The following RALGPS1 variants were observed in gnomAD, a reference collection of about 807,000 sequenced individuals.
The protein encoded by RALGPS1 is Ral GEF with PH domain and SH3 binding motif 1, also known as ras-specific guanine nucleotide-releasing factor RalGPS1.
Under a neutral mutation model 78.8 loss-of-function variants are expected in RALGPS1, and 19 were observed. That is an observed-to-expected ratio of 0.24 (90% CI 0.17 to 0.35). The LOEUF (loss-of-function observed/expected upper bound fraction) is 0.35. RALGPS1 is among the 10% of genes least tolerant of loss of function. RALGPS1 has a pLI of 1.00. For synonymous variants in RALGPS1, 228 were observed against 256.3 expected, an observed-to-expected ratio of 0.89 and a Z score of 1.06; for missense variants, 454 against 688.3, an observed-to-expected ratio of 0.66 and a Z score of 3.81.
chr9:127,108,372 C>T, intron 8 of RALGPS1: 4 of 1,610,656 alleles, frequency 2.5e-6, no homozygotes, highest in Non-Finnish European at 3.4e-6. Context: ...GCAGCAGCTT[C>T]ACCTCGCTCA....
rs944234039 is a variant in RALGPS1, at chr9:126,965,970, G to T, written c.165+19G>T. On this transcript the variant is annotated intron_variant, in intron 3 of 18. Transcript: ENST00000259351. ...GTTTGCTGTAAGTGAAACAGGGCTG[G>T]TGTGGGTGGCTGGGCACCACAGCAG... 24 of 1,594,990 alleles carry T rather than the reference G, an allele frequency of 1.5e-5. No individual in the cohort carries two copies. The highest frequency in any genetic ancestry group is 6.7e-5 in the African/African-American group (5 of 74,570).
chr9:127,075,381 G>T (rs541300611), intron 8 of RALGPS1, among the ~76,000 whole-genome samples: 1 of 152,320 alleles, frequency 6.6e-6, no homozygotes, highest in South Asian at 2.1e-4. Flanking sequence ...TTACCATGGG[G>T]TGCCGTAGTT....
At chr9:127,103,209 C>A (rs905505261) in intron 8 of RALGPS1, among the ~76,000 whole-genome samples, 1 of 152,240 alleles carries the variant, frequency 6.6e-6, no homozygotes. Context: ...CAATCGTGTA[C>A]GTATTTCCTA....
chr9:126,996,273 G>A (rs925316288), intron 4 of RALGPS1, among the ~76,000 whole-genome samples: 8 of 152,066 alleles, frequency 5.3e-5, no homozygotes, highest in African/African-American at 1.9e-4. Flanking sequence ...CAACAAAATT[G>A]ATAGACTGCT....
intron 1 of RALGPS1, among the ~76,000 whole-genome samples, chr9:126,916,498 G>C (rs2034174719): frequency 6.6e-6 from 1 of 152,174 alleles, no homozygotes; most frequent in Non-Finnish European, 1.5e-5. Flanking sequence ...CATTCCAAGA[G>C]GGTCGGGCGC....
At chr9:127,062,512 G>A (rs756469872) in intron 7 of RALGPS1, among the ~76,000 whole-genome samples, 18 of 152,136 alleles carry the variant, frequency 1.2e-4, no homozygotes, top group Admixed American at 3.3e-4. Flanking sequence ...TATTACAACC[G>A]TATCAAAAGA....
At chr9:127,197,375 G>GGTCTGTGT (rs1194771004) in intron 13 of RALGPS1, among the ~76,000 whole-genome samples, 4 of 152,112 alleles carry the variant, frequency 2.6e-5, no homozygotes, top group Non-Finnish European at 5.9e-5. Flanking sequence ...GTGCCTCTGT[G>GGTCTGTGT]GTCTGTGTGT....
intron 8 of RALGPS1, among the ~76,000 whole-genome samples, chr9:127,143,742 T>C (rs1213427351): frequency 6.6e-6 from 1 of 152,314 alleles, no homozygotes; most frequent in Non-Finnish European, 1.5e-5. Context: ...CTAGAAGACA[T>C]CAGAGTTAAC....
At chr9:126,953,645 C>T (rs2038075743) in intron 1 of RALGPS1, among the ~76,000 whole-genome samples, 1 of 152,168 alleles carries the variant, frequency 6.6e-6, no homozygotes, top group South Asian at 2.1e-4. Context: ...AATCCTTTCA[C>T]CTGACACCAC....
Position 127,036,109 on chromosome 9 carries a change from G to C in RALGPS1, c.300+1595G>C, listed in dbSNP as rs75981611. On this transcript the variant is annotated intron_variant, in intron 5 of 18. Transcript: ENST00000259351. ...GATGTGGCTTATTCTGTGAACAATT[G>C]TGTTGTGTCCAGCTCAGACCAAGTG... Among the ~76,000 whole-genome samples the C allele has an allele frequency of 5.2e-3, 794 of 152,300 alleles. 3 individuals are homozygous for C. The highest frequency in any genetic ancestry group is 0.031 in the Middle Eastern group (9 of 294).
intron 4 of RALGPS1, among the ~76,000 whole-genome samples, chr9:127,010,436 G>A (rs1434380589): frequency 6.6e-6 from 1 of 152,194 alleles, no homozygotes; most frequent in Admixed American, 6.5e-5. Flanking sequence ...CAAAATGACT[G>A]CCTGGATTCC....
chr9:127,137,601 T>G (rs1234083886), intron 8 of RALGPS1, among the ~76,000 whole-genome samples: 1 of 152,250 alleles, frequency 6.6e-6, no homozygotes, highest in Non-Finnish European at 1.5e-5. Context: ...TTGCCGTCCT[T>G]TTCCCTTTTG....
intron 1 of RALGPS1, among the ~76,000 whole-genome samples, chr9:126,960,153 T>TGTTCCCTTC (rs1173773982): frequency 9.5e-5 from 14 of 147,090 alleles, no homozygotes; most frequent in Non-Finnish European, 2.0e-4. Context: ...TTCTTCCCTT[T>TGTTCCCTTC]CTTCCCTTCC....
At chr9:127,099,256 C>G (rs767086349) in intron 8 of RALGPS1, among the ~76,000 whole-genome samples, 12 of 152,156 alleles carry the variant, frequency 7.9e-5, no homozygotes, top group Middle Eastern at 3.2e-3. Context: ...GGAAGTTGCT[C>G]CTGTGAATAT....
At position 127,076,252 on chromosome 9, in the gene RALGPS1, G is replaced by A. The variant is rs558254820; in HGVS notation, c.610+6896G>A. Among the ~76,000 whole-genome samples the A allele has an allele frequency of 4.6e-5, 7 of 152,290 alleles. No individual in the cohort carries two copies. In the East Asian group the frequency reaches 1.3e-3, roughly 29 times the overall value. On this transcript the variant is annotated intron_variant, in intron 8 of 18. Coordinates refer to ENST00000259351, the MANE Select transcript of RALGPS1 (RefSeq NM_014636.3). The stretch of plus-strand genomic sequence containing the variant: ...GCTTATAAATAGCTGTATTGATTTA[G>A]GGGGTGTTTTGTTCTTACTACTTAT...
intron 10 of RALGPS1, among the ~76,000 whole-genome samples, chr9:127,173,350 A>C (rs1372337770): frequency 1.3e-5 from 2 of 152,184 alleles, no homozygotes. Context: ...ACCCCCACTC[A>C]GACCCAGTGA....
intron 5 of RALGPS1, 35 bp downstream of exon 5, chr9:127,034,549 A>T (rs780784723): frequency 6.3e-7 from 1 of 1,577,414 alleles, no homozygotes; most frequent in Non-Finnish European, 8.7e-7. Flanking sequence ...CTATCCAGAG[A>T]GCAATCTGCT....
rs1444758606 is a variant in RALGPS1 at position 127,151,888 on chromosome 9, C to G, written c.611-14181C>G. Among the ~76,000 whole-genome samples, 3 of 152,074 alleles carry G rather than the reference C, an allele frequency of 2.0e-5. No individual in the cohort carries two copies. The East Asian group carries it at 5.8e-4, about 29-fold the overall frequency. ...TCTCTGTTCTCAGGCCCCTGTGTCC[C>G]CTTATGTTCTTTCTTCCCCTTCTTC... On this transcript the variant is annotated intron_variant, in intron 8 of 18. Transcript: ENST00000259351.
intron 1 of RALGPS1, among the ~76,000 whole-genome samples, chr9:126,915,186 C>T (rs961981122): frequency 1.4e-5 from 2 of 139,510 alleles, no homozygotes; most frequent in Non-Finnish European, 3.1e-5. Flanking sequence ...CGGGGCCTGG[C>T]CGGGGTCCGG....
Sources: gnomAD v4.1 joint callset for allele counts (sites outside exome capture counted in the v4.1 genomes callset) on GRCh38, gnomAD v4.1.1 for gene constraint, MANE v1.5 for transcripts, NCBI Gene and HGNC (gene_info 2026-07-23, HGNC 2026-07-21) for gene names.